ARIH1: variants seen among roughly 807,000 people sequenced by gnomAD.
ARIH1 encodes ariadne RBR E3 ubiquitin protein ligase 1.
Under a neutral mutation model 85.0 loss-of-function variants are expected in ARIH1, and 8 were observed. The ratio of observed to expected loss-of-function variants is 0.09; its 90% CI spans 0.06 to 0.17. ARIH1 has a LOEUF of 0.17. Among genes scored for constraint, ARIH1 ranks in the 10% least tolerant of loss-of-function variants. The probability of loss-of-function intolerance (pLI) is 1.00; values close to 1 mark genes in which losing one functional copy is unlikely to be tolerated. For synonymous variants in ARIH1, 238 were observed against 253.6 expected, an observed-to-expected ratio of 0.94 and a Z score of 0.59; for missense variants, 311 against 718.1, an observed-to-expected ratio of 0.43 and a Z score of 6.48.
intron 2 of ARIH1, among the ~76,000 whole-genome samples, chr15:72,519,658 A>G (rs2063990942): frequency 6.6e-6 from 1 of 150,954 alleles, no homozygotes; most frequent in Non-Finnish European, 1.5e-5. Flanking sequence ...TAATTTTTGT[A>G]TTTTTATTAG....
intron 1 of ARIH1, among the ~76,000 whole-genome samples, chr15:72,499,610 G>T (rs1486135549): frequency 6.6e-6 from 1 of 152,212 alleles, no homozygotes; most frequent in Non-Finnish European, 1.5e-5. Context: ...GACATTCTAA[G>T]TAGTGTATTA....
At chr15:72,570,899 T>TG (rs750008402) in intron 10 of ARIH1, among the ~76,000 whole-genome samples, 13 of 151,902 alleles carry the variant, frequency 8.6e-5, no homozygotes, top group Non-Finnish European at 1.6e-4. Flanking sequence ...GAGGCCGAGG[T>TG]GGGTGGATCA....
At position 72,518,370 on chromosome 15, in the gene ARIH1, G is replaced by T. The variant is rs552304768; in HGVS notation, c.443+236G>T. Reference sequence around the variant, plus strand: ...TTATTTGGGAGTATGTGTGTTTGGGGGTGTGCTTCAGTATCTTCTACATAT... The same window carrying T: ...TTATTTGGGAGTATGTGTGTTTGGGTGTGTGCTTCAGTATCTTCTACATAT... On this transcript the variant is annotated intron_variant, in intron 2 of 13. Transcript: ENST00000379887. Among the ~76,000 whole-genome samples, 273 of 48,924 alleles carry T rather than the reference G, an allele frequency of 5.6e-3. 1 individual carries two copies. The highest frequency in any genetic ancestry group is 0.041 in the Non-Finnish European group (211 of 5,166). The allele number at this position is 48,924 out of a possible 152,430, so 32.1% of individuals were successfully genotyped here. A position where few individuals can be genotyped will look rare whatever the true frequency, so the allele number is the denominator to read the frequency against.
intron 2 of ARIH1, among the ~76,000 whole-genome samples, chr15:72,541,658 T>A (rs565734990): frequency 6.6e-6 from 1 of 152,280 alleles, no homozygotes; most frequent in East Asian, 1.9e-4. Context: ...GCAGACAAAT[T>A]AGTGGAATAG....
intron 1 of ARIH1, among the ~76,000 whole-genome samples, chr15:72,486,694 CTT>C (rs34770375): frequency 2.5e-4 from 23 of 92,866 alleles, no homozygotes; most frequent in African/African-American, 6.1e-4. Flanking sequence ...TTAAAAATGA[CTT>C]TTTTTTTTTT....
intron 1 of ARIH1, among the ~76,000 whole-genome samples, chr15:72,495,744 A>G (rs1235910508): frequency 1.3e-5 from 2 of 152,136 alleles, no homozygotes; most frequent in East Asian, 3.8e-4. Context: ...ATGTCAGGCA[A>G]AAATTTCTGT....
intron 1 of ARIH1, among the ~76,000 whole-genome samples, chr15:72,481,431 C>G (rs1265273064): frequency 6.6e-6 from 1 of 152,100 alleles, no homozygotes; most frequent in East Asian, 1.9e-4. Context: ...AATAGGGGAC[C>G]AGTCACGGTG....
chr15:72,517,972 G>T, intron 1 of ARIH1, 95 bp from the exon 2 acceptor site: 3 of 793,968 alleles, frequency 3.8e-6, no homozygotes, highest in East Asian at 2.5e-5. Context: ...AATTTGGGTG[G>T]AGTATTGTGG....
intron 2 of ARIH1, 105 bp downstream of exon 2, chr15:72,518,239 TG>T: frequency 1.1e-6 from 1 of 886,030 alleles, no homozygotes. Flanking sequence ...TACCAGTATG[TG>T]GACAACCCAG....
chr15:72,507,734 C>T (rs2063932607), intron 1 of ARIH1, among the ~76,000 whole-genome samples: 1 of 152,168 alleles, frequency 6.6e-6, no homozygotes, highest in East Asian at 1.9e-4. Context: ...TTGAGAACTA[C>T]TTGATCAAAG....
At chr15:72,479,708 AT>A (rs889794990) in intron 1 of ARIH1, among the ~76,000 whole-genome samples, 1 of 149,476 alleles carries the variant, frequency 6.7e-6, no homozygotes, top group African/African-American at 2.5e-5. Context: ...GCCCAGCCAA[AT>A]AACTCATTTT....
chr15:72,583,554 G>A lies in ARIH1; in HGVS notation c.*262G>A, dbSNP rs536843890. The A allele has an allele frequency of 1.1e-5, 4 of 360,938 alleles. No homozygotes were observed. Among genetic ancestry groups the A allele is most frequent in the East Asian group, 4.2e-5 (1 of 23,736 alleles). The allele number at this position is 360,938 out of a possible 1,614,324, so 22.4% of individuals were successfully genotyped here. A position where few individuals can be genotyped will look rare whatever the true frequency, so the allele number is the denominator to read the frequency against. The stretch of plus-strand genomic sequence containing the variant: ...AAGCCCTCCAACTTTAACTTGTAAC[G>A]TAGCTTCATTCTCAAAGCTGACTCC... On this transcript the variant is annotated 3_prime_UTR_variant, in exon 14 of 14. Transcript: ENST00000379887.
At chr15:72,532,571 A>G (rs1005477782) in intron 2 of ARIH1, among the ~76,000 whole-genome samples, 1 of 152,234 alleles carries the variant, frequency 6.6e-6, no homozygotes, top group Non-Finnish European at 1.5e-5. Flanking sequence ...TAAAGATATC[A>G]TAACCTTTAT....
intron 1 of ARIH1, among the ~76,000 whole-genome samples, chr15:72,503,852 A>G (rs1000760177): frequency 6.6e-6 from 1 of 152,118 alleles, no homozygotes; most frequent in Non-Finnish European, 1.5e-5. Flanking sequence ...TGCTGGCAGG[A>G]GCAAGTTTCA....
chr15:72,555,412 T>G (rs758996285), intron 4 of ARIH1, 49 bp downstream of exon 4: 1 of 1,353,912 alleles, frequency 7.4e-7, no homozygotes, highest in Non-Finnish European at 1.0e-6. Flanking sequence ...TCCTATAGTG[T>G]TAAGACCCTT....
Position 72,566,547 on chromosome 15 carries a change from T to G in ARIH1, c.912-16T>G. The G allele has an allele frequency of 6.2e-7, 1 of 1,609,052 alleles. No individual in the cohort carries two copies. Among genetic ancestry groups the G allele is most frequent in the Non-Finnish European group, 8.5e-7 (1 of 1,176,128 alleles). On this transcript the variant is annotated splice_polypyrimidine_tract_variant and intron_variant, in intron 7 of 13. Coordinates refer to ENST00000379887, the MANE Select transcript of ARIH1 (RefSeq NM_005744.5). The stretch of plus-strand genomic sequence containing the variant: ...GGTAGGCCTTAATTCTATTAACTCT[T>G]TGTGTCACTTAACAGCTTTAACTGT...
intron 11 of ARIH1, among the ~76,000 whole-genome samples, chr15:72,576,522 A>C (rs867848393): frequency 1.1e-4 from 16 of 151,798 alleles, no homozygotes; most frequent in Middle Eastern, 3.4e-3. Context: ...AAAAAAAAAA[A>C]AAAAAAAACC....
intron 2 of ARIH1, among the ~76,000 whole-genome samples, chr15:72,541,269 C>G (rs768978747): frequency 6.6e-6 from 1 of 152,118 alleles, no homozygotes; most frequent in Non-Finnish European, 1.5e-5. Context: ...CATGCAAGCC[C>G]TGCCTCAGCT....
In ARIH1 at chr15:72,602,482, A is replaced by C. The variant is rs1160460196; in HGVS notation, c.*19190A>C. On this transcript the variant is annotated 3_prime_UTR_variant, in exon 14 of 14. Transcript: ENST00000379887. The stretch of plus-strand genomic sequence containing the variant: ...TTACTTATTATCTAATGTCTGACTA[A>C]TTTGCTACACTCTAAATTCCCAATT... 2 of 152,200 alleles carry C rather than the reference A, an allele frequency of 1.3e-5. No individual in the cohort carries two copies. The highest frequency in any genetic ancestry group is 4.8e-5 in the African/African-American group (2 of 41,442). 9.4% of individuals were successfully genotyped at this position (152,200 alleles called of 1,614,324 possible). A position where few individuals can be genotyped will look rare whatever the true frequency, so the allele number is the denominator to read the frequency against.
Sources: gnomAD v4.1 joint callset for allele counts (sites outside exome capture counted in the v4.1 genomes callset) on GRCh38, gnomAD v4.1.1 for gene constraint, MANE v1.5 for transcripts, NCBI Gene and HGNC (gene_info 2026-07-23, HGNC 2026-07-21) for gene names.